Variants in CMYA5 observed in about 807,000 individuals in gnomAD.
CMYA5 encodes cardiomyopathy associated 5.
Under a neutral mutation model 318.9 loss-of-function variants are expected in CMYA5, and 246 were observed. The observed-to-expected ratio is 0.77, with a 90% CI of 0.70 to 0.86. The LOEUF is 0.86. Ranked by LOEUF, CMYA5 falls within the 40% of genes least tolerant of loss-of-function variation. The pLI is 0.00. For missense variants in CMYA5, 4,589 were observed against 4,678.2 expected (o/e 0.98, Z 0.56); for synonymous variants, 1,641 against 1,729.5 (o/e 0.95, Z 1.27).
chr5:79,779,254 TATG>T (rs1829007980), intron 9 of CMYA5, among the ~76,000 whole-genome samples: 1 of 3,528 alleles, frequency 2.8e-4, no homozygotes, highest in Non-Finnish European at 4.6e-4. Context: ...CATCATTTTT[TATG>T]GCTGCATAGT....
At position 79,731,480 on chromosome 5, in the gene CMYA5, A is replaced by G; in HGVS notation, c.2715A>G (p.Val905=). Reference sequence around the variant, plus strand: ...CTACATCTGCTTCTGAATTTTCAGTACCACCATATGCAACACCGGAGGCAC... The same window carrying G: ...CTACATCTGCTTCTGAATTTTCAGTGCCACCATATGCAACACCGGAGGCAC... The part of the protein sequence containing the change: ...PSSTSASEFS[V]PPYATPEAQE... The change falls in exon 2 of 13, where the codon GTA becomes GTG. Residue 905 remains valine (V), a synonymous_variant. Transcript: ENST00000446378. The G allele has an allele frequency of 1.2e-6, 2 of 1,608,088 alleles. No individual in the cohort carries two copies. The highest frequency in any genetic ancestry group is 2.2e-5 in the East Asian group (1 of 44,840).
intron 7 of CMYA5, among the ~76,000 whole-genome samples, chr5:79,760,736 G>A (rs1193544861): frequency 2.0e-5 from 3 of 152,146 alleles, no homozygotes; most frequent in Non-Finnish European, 4.4e-5. Flanking sequence ...ATGAGATCTG[G>A]GTGGGGACAC....
intron 7 of CMYA5, among the ~76,000 whole-genome samples, chr5:79,760,915 C>G (rs1318419477): frequency 2.6e-5 from 4 of 152,022 alleles, no homozygotes; most frequent in African/African-American, 9.7e-5. Context: ...AGGAGAGAGG[C>G]AATTGAGAAG....
chr5:79,776,956 A>G, intron 9 of CMYA5, among the ~76,000 whole-genome samples: 1 of 152,154 alleles, frequency 6.6e-6, no homozygotes, highest in East Asian at 1.9e-4. Flanking sequence ...GGTGGTACAG[A>G]GAACAACCAC....
At chr5:79,726,779 G>A (rs1447100564) in intron 1 of CMYA5, among the ~76,000 whole-genome samples, 1 of 152,098 alleles carries the variant, frequency 6.6e-6, no homozygotes, top group African/African-American at 2.4e-5. Flanking sequence ...CTTAATAAGG[G>A]AAGTTGAGTG....
At chr5:79,692,050 C>G (rs1407107074) in intron 1 of CMYA5, among the ~76,000 whole-genome samples, 1 of 152,144 alleles carries the variant, frequency 6.6e-6, no homozygotes, top group Non-Finnish European at 1.5e-5. Flanking sequence ...GATGTTGAGA[C>G]CAAAGTTTTA....
At chr5:79,756,253 G>A (rs1225821463) in intron 6 of CMYA5, among the ~76,000 whole-genome samples, 3 of 152,168 alleles carry the variant, frequency 2.0e-5, no homozygotes, top group Admixed American at 2.0e-4. Context: ...CTCACCAGCG[G>A]CCTCTGCCTT....
rs762613202 is a variant in CMYA5 at position 79,735,805 on chromosome 5, A to G, written c.7040A>G (p.Gln2347Arg). 2 of 1,551,548 alleles carry G rather than the reference A, an allele frequency of 1.3e-6. No homozygotes were observed. Among genetic ancestry groups the G allele is most frequent in the Admixed American group, 4.3e-5 (2 of 46,376 alleles). ...CATGTTACTGATAGTAAAAGAGTCCAGAAGCCAGCAATCGCTCCTCCATCT... is the reference window on the plus strand; with the variant it reads ...CATGTTACTGATAGTAAAAGAGTCCGGAAGCCAGCAATCGCTCCTCCATCT... ...PPHVTDSKRVQKPAIAPPSKW... is the reference protein window; with the variant it reads ...PPHVTDSKRVRKPAIAPPSKW... The change falls in exon 2 of 13, where the codon CAG (glutamine) becomes CGG (arginine). Residue 2347 changes from glutamine (Q) to arginine (R), a missense_variant. Transcript: ENST00000446378.
At chr5:79,713,213 T>C (rs917192248) in intron 1 of CMYA5, among the ~76,000 whole-genome samples, 9 of 152,064 alleles carry the variant, frequency 5.9e-5, no homozygotes, top group Non-Finnish European at 1.3e-4. Context: ...TGGGATGGGG[T>C]ACTAATGGCA....
At chr5:79,712,801 G>GA (rs1020784600) in intron 1 of CMYA5, among the ~76,000 whole-genome samples, 1 of 151,728 alleles carries the variant, frequency 6.6e-6, no homozygotes, top group Non-Finnish European at 1.5e-5. Flanking sequence ...ATTGTATTAG[G>GA]AAAAAAAAGT....
chr5:79,743,540 T>C (rs1475842043), intron 2 of CMYA5, among the ~76,000 whole-genome samples: 2 of 152,094 alleles, frequency 1.3e-5, no homozygotes, highest in Non-Finnish European at 2.9e-5. Context: ...AAAACAGGTA[T>C]GTTTTGAGCT....
At position 79,752,581 on chromosome 5, in the gene CMYA5, A is replaced by C. The variant is rs1828449283; in HGVS notation, c.10992-95A>C. 3.0e-5 allele frequency: 24 copies of C among 790,414 alleles called. No individual in the cohort carries two copies. In the South Asian group the frequency reaches 4.4e-4, roughly 14 times the overall value. The allele number at this position is 790,414 out of a possible 1,614,324, so 49.0% of individuals were successfully genotyped here. ...GAGGCCCTGCCTTATGCAAACCACCACTACCAACACCAGCTTCATTTTGAA... is the reference window on the plus strand; with the variant it reads ...GAGGCCCTGCCTTATGCAAACCACCCCTACCAACACCAGCTTCATTTTGAA... On this transcript the variant is annotated intron_variant, in intron 5 of 12. Transcript: ENST00000446378.
At chr5:79,788,174 A>T (rs16877192) in intron 9 of CMYA5, among the ~76,000 whole-genome samples, 2,040 of 151,000 alleles carry the variant, frequency 0.014, 44 homozygotes, top group African/African-American at 0.047. Context: ...AACTCTAAGG[A>T]CTCTCCAAAT....
intron 2 of CMYA5, among the ~76,000 whole-genome samples, chr5:79,742,045 CTCCTCTTCT>C (rs1828217412): frequency 3.2e-5 from 2 of 62,660 alleles, no homozygotes; most frequent in South Asian, 6.4e-4. Context: ...CTCCCTCTTT[CTCCTCTTCT>C]TCTTCTTCTT....
chr5:79,707,662 C>T (rs529747168), intron 1 of CMYA5, among the ~76,000 whole-genome samples: 54 of 152,168 alleles, frequency 3.5e-4, no homozygotes, highest in African/African-American at 8.7e-4. Flanking sequence ...TAGTATGACA[C>T]GAGATGTTTT....
At chr5:79,691,627 T>C (rs867551821) in intron 1 of CMYA5, among the ~76,000 whole-genome samples, 1 of 152,188 alleles carries the variant, frequency 6.6e-6, no homozygotes, top group Non-Finnish European at 1.5e-5. Context: ...CCAATTTATT[T>C]TTTATTGGAT....
chr5:79,724,216 T>G (rs1827702836), intron 1 of CMYA5, among the ~76,000 whole-genome samples: 2 of 151,432 alleles, frequency 1.3e-5, no homozygotes, highest in African/African-American at 4.9e-5. Flanking sequence ...CCCATCTACT[T>G]GGGAGGCTGA....
chr5:79,707,981 C>T (rs1827307038), intron 1 of CMYA5, among the ~76,000 whole-genome samples: 1 of 152,204 alleles, frequency 6.6e-6, no homozygotes, highest in Admixed American at 6.5e-5. Flanking sequence ...CTAGAGTGCT[C>T]CCTTCAGCCT....
intron 9 of CMYA5, among the ~76,000 whole-genome samples, chr5:79,764,536 T>C (rs1432104097): frequency 2.0e-5 from 3 of 152,180 alleles, no homozygotes; most frequent in Admixed American, 2.0e-4. Context: ...TCAAATGGTA[T>C]TTCTGGTTCT....
Sources: gnomAD v4.1 joint callset for allele counts (sites outside exome capture counted in the v4.1 genomes callset) on GRCh38, gnomAD v4.1.1 for gene constraint, MANE v1.5 for transcripts, NCBI Gene and HGNC (gene_info 2026-07-23, HGNC 2026-07-21) for gene names.